Variants in GRHL1 observed in about 807,000 individuals in gnomAD.
GRHL1 encodes grainyhead like transcription factor 1.
GRHL1 carries 38 observed loss-of-function variants against 75.7 expected under a neutral mutation model. That is an observed-to-expected ratio of 0.50 (90% CI 0.39 to 0.66). The LOEUF is 0.66. Ranked by LOEUF, GRHL1 falls within the 30% of genes least tolerant of loss-of-function variation. GRHL1 has a pLI of 0.00. For missense variants in GRHL1, 589 were observed against 767.5 expected (o/e 0.77, Z 2.75); for synonymous variants, 266 against 279.4 (o/e 0.95, Z 0.48).
intron 13 of GRHL1, 122 bp downstream of exon 13, chr2:9,996,092 A>G (rs753824982): frequency 1.6e-5 from 12 of 768,082 alleles, no homozygotes; most frequent in Non-Finnish European, 2.5e-5. Context: ...TTCTTCCATC[A>G]GACTGACATC....
rs1469299855 is a variant in GRHL1 at position 9,998,819 on chromosome 2, TGTAC to T, written c.1678-145_1678-142del. ...ACACACATATATATACGTATATATA[TGTAC>T]ACATATATATATACGTATATATATG... On this transcript the variant is annotated intron_variant, in intron 14 of 15. Coordinates refer to ENST00000324907, the MANE Select transcript of GRHL1 (RefSeq NM_198182.3). 9.8e-3 allele frequency: 1,090 copies of T among 110,956 alleles called. 259 individuals are homozygous for T. Among genetic ancestry groups the T allele is most frequent in the Non-Finnish European group, 0.011 (714 of 65,642 alleles). The allele number at this position is 110,956 out of a possible 1,614,324, so 6.9% of individuals were successfully genotyped here.
intron 9 of GRHL1, among the ~76,000 whole-genome samples, chr2:9,989,286 A>G (rs1422159368): frequency 6.6e-6 from 1 of 152,236 alleles, no homozygotes; most frequent in Non-Finnish European, 1.5e-5. Context: ...TTTATTTAAC[A>G]GAAAAATAAG....
At chr2:10,000,240 C>T (rs977968649) in intron 15 of GRHL1, among the ~76,000 whole-genome samples, 2 of 152,318 alleles carry the variant, frequency 1.3e-5, no homozygotes, top group East Asian at 1.9e-4. Context: ...CCTGCCTCAG[C>T]GTCCCAAAGT....
intron 9 of GRHL1, among the ~76,000 whole-genome samples, chr2:9,986,572 AC>A (rs140023697): frequency 0.16 from 23,508 of 151,512 alleles, 1,966 homozygotes; most frequent in Non-Finnish European, 0.19. Context: ...GCACACCACC[AC>A]GGCCGGCTAG....
At chr2:9,998,878 A>G in intron 14 of GRHL1, 87 bp from the exon 15 acceptor site, 1 of 243,790 alleles carries the variant, frequency 4.1e-6, no homozygotes, top group Non-Finnish European at 6.8e-6. Flanking sequence ...ATATATGTAC[A>G]CATATATATA....
intron 12 of GRHL1, chr2:9,995,175 G>A (rs1668801299): frequency 6.6e-6 from 1 of 152,226 alleles, no homozygotes; most frequent in Admixed American, 6.5e-5. Flanking sequence ...TTCTGTTTGA[G>A]CCAGGCTGGC....
rs1001631838 is a variant in GRHL1, at chr2:9,987,481, G to A, written c.1269+1199G>A. Among the ~76,000 whole-genome samples, 3 of 152,200 alleles carry A rather than the reference G, an allele frequency of 2.0e-5. No individual in the cohort carries two copies. Among genetic ancestry groups the A allele is most frequent in the Admixed American group, 6.5e-5 (1 of 15,284 alleles). On this transcript the variant is annotated intron_variant, in intron 9 of 15. Coordinates refer to ENST00000324907, the MANE Select transcript of GRHL1 (RefSeq NM_198182.3). The surrounding 1 kb of genome is among the most constrained non-coding windows in gnomAD (Gnocchi z 4.2). ...CCTGCACGGGAGCTCTTCCTTAGCT[G>A]TGTCCGAGTGGCTGAATCACAAAGT...
At chr2:9,958,969 G>A (rs1667154983) in intron 3 of GRHL1, 113 bp downstream of exon 3, 1 of 1,446,068 alleles carries the variant, frequency 6.9e-7, no homozygotes, top group Non-Finnish European at 9.2e-7. Flanking sequence ...AGATAGGTAA[G>A]TTGGACTCTT....
At chr2:9,967,773 A>G (rs1667550765) in intron 8 of GRHL1, among the ~76,000 whole-genome samples, 1 of 151,172 alleles carries the variant, frequency 6.6e-6, no homozygotes, top group Non-Finnish European at 1.5e-5. Context: ...ACAAGTGTAC[A>G]TGCAGAATCC....
chr2:9,952,313 G>A (rs1453184517), intron 1 of GRHL1, among the ~76,000 whole-genome samples: 1 of 152,200 alleles, frequency 6.6e-6, no homozygotes, highest in Admixed American at 6.5e-5. Context: ...GTGGTCTCAG[G>A]CTCGTCACTC....
chr2:9,966,446 C>T (rs759188911), intron 8 of GRHL1: 3 of 151,988 alleles, frequency 2.0e-5, no homozygotes, highest in African/African-American at 4.8e-5. Context: ...GGTGATTTTT[C>T]AGACAGTTGT....
At chr2:9,952,236 C>T (rs1367994199) in intron 1 of GRHL1, among the ~76,000 whole-genome samples, 4 of 152,128 alleles carry the variant, frequency 2.6e-5, no homozygotes, top group Non-Finnish European at 5.9e-5. Flanking sequence ...CTCTCCTGCC[C>T]GGTCGGCCTC....
chr2:9,988,349 T>C (rs1228053167), intron 9 of GRHL1, among the ~76,000 whole-genome samples: 1 of 152,228 alleles, frequency 6.6e-6, no homozygotes, highest in Non-Finnish European at 1.5e-5. Flanking sequence ...TACTTCCTTG[T>C]AATAATCCTC....
intron 8 of GRHL1, among the ~76,000 whole-genome samples, chr2:9,973,189 G>T (rs936764970): frequency 2.0e-5 from 3 of 152,148 alleles, no homozygotes; most frequent in African/African-American, 4.8e-5. Flanking sequence ...TTATTTCTTG[G>T]GGGGTAGCAT....
At position 9,964,050 on chromosome 2, in the gene GRHL1, C is replaced by A; in HGVS notation, c.903+8C>A. The A allele has an allele frequency of 6.2e-7, 1 of 1,611,670 alleles. No individual in the cohort carries two copies. Among genetic ancestry groups the A allele is most frequent in the Non-Finnish European group, 8.5e-7 (1 of 1,177,990 alleles). On this transcript the variant is annotated splice_region_variant and intron_variant, in intron 6 of 15. Coordinates refer to ENST00000324907, the MANE Select transcript of GRHL1 (RefSeq NM_198182.3). ...CCCATCAGCAAAGTTCGAGTAAGTT[C>A]TGCTCTTAGTCCTGTTCTCTAGGAA...
intron 14 of GRHL1, among the ~76,000 whole-genome samples, chr2:9,997,055 T>C (rs574924255): frequency 6.6e-6 from 1 of 152,340 alleles, no homozygotes; most frequent in Admixed American, 6.5e-5. Flanking sequence ...CTAGAGACCG[T>C]AGAGATCTTT....
intron 10 of GRHL1, among the ~76,000 whole-genome samples, chr2:9,991,331 A>C (rs1055216185): frequency 5.3e-5 from 8 of 152,134 alleles, no homozygotes; most frequent in Non-Finnish European, 8.8e-5. Context: ...TCTGTAGTAC[A>C]TGGGCTTCTG....
intron 14 of GRHL1, 138 bp from the exon 15 acceptor site, chr2:9,998,827 T>TATATATACGTATATATGTACAC (rs1558321499): frequency 1.4e-5 from 1 of 71,362 alleles, no homozygotes; most frequent in African/African-American, 1.7e-4. Context: ...TATGTACACA[T>TATATATACGTATATATGTACAC]ATATATATAC....
chr2:9,977,969 C>T (rs1668020441), intron 8 of GRHL1, among the ~76,000 whole-genome samples: 1 of 152,210 alleles, frequency 6.6e-6, no homozygotes, highest in African/African-American at 2.4e-5. Flanking sequence ...AAAGCCACGT[C>T]CTCCATGGCG....
Sources: allele counts gnomAD v4.1 joint callset (sites outside exome capture counted in the v4.1 genomes callset), GRCh38; gene constraint gnomAD v4.1.1; non-coding constraint Gnocchi (gnomAD v3.1); transcripts MANE v1.5; gene names NCBI Gene and HGNC (gene_info 2026-07-23, HGNC 2026-07-21).